GARIN2: variants seen among roughly 807,000 people sequenced by gnomAD.
The protein encoded by GARIN2 is golgi associated RAB2 interactor family member 2.
the GARIN2 span, among the ~76,000 whole-genome samples, chr14:67,212,589 GA>G: frequency 0.096 from 9,629 of 100,262 alleles, 731 homozygotes; most frequent in African/African-American, 0.25. Flanking sequence ...AGACCCTGTT[GA>G]AAAAAAAAAT....
At chr14:67,211,460 A>T in the GARIN2 span, among the ~76,000 whole-genome samples, 2 of 152,196 alleles carry the variant, frequency 1.3e-5, no homozygotes, top group African/African-American at 4.8e-5. Context: ...AAACTGATTA[A>T]ATATTTTTAA....
At chr14:67,218,569 C>A in the GARIN2 span, among the ~76,000 whole-genome samples, 1 of 152,034 alleles carries the variant, frequency 6.6e-6, no homozygotes, top group Non-Finnish European at 1.5e-5. Context: ...TGGGTTCTTG[C>A]CTGTTTGGCT....
the GARIN2 span, chr14:67,200,059 C>A: frequency 1.1e-6 from 1 of 925,602 alleles, no homozygotes; most frequent in Non-Finnish European, 1.7e-6. Context: ...GGGACAGCCA[C>A]CACCCCAACC....
At chr14:67,228,220 TAA>T in the GARIN2 span, 1 of 158,342 alleles carries the variant, frequency 6.3e-6, no homozygotes, top group Non-Finnish European at 1.4e-5. Flanking sequence ...ATGGCTGGAT[TAA>T]AAAAAAGAGA....
At chr14:67,214,406 C>T in the GARIN2 span, among the ~76,000 whole-genome samples, 61 of 152,212 alleles carry the variant, frequency 4.0e-4, no homozygotes, top group Non-Finnish European at 7.5e-4. Flanking sequence ...TTCCCAGCAC[C>T]GTTTATTAAA....
chr14:67,228,377 C>T, the GARIN2 span: 129 of 495,870 alleles, frequency 2.6e-4, 1 homozygote, highest in Middle Eastern at 2.0e-3. Context: ...TAAAAATATT[C>T]TCTATTTCAG....
chr14:67,218,731 C>G, the GARIN2 span, among the ~76,000 whole-genome samples: 2 of 151,928 alleles, frequency 1.3e-5, no homozygotes, highest in Non-Finnish European at 1.5e-5. Context: ...CAGCACATAG[C>G]CATTCTGCTT....
chr14:67,214,828 C>T, the GARIN2 span, among the ~76,000 whole-genome samples: 1 of 152,010 alleles, frequency 6.6e-6, no homozygotes, highest in Non-Finnish European at 1.5e-5. Flanking sequence ...TATTTGTATC[C>T]TCTTTGATTT....
the GARIN2 span, among the ~76,000 whole-genome samples, chr14:67,202,071 G>C: frequency 6.6e-6 from 1 of 152,148 alleles, no homozygotes; most frequent in Non-Finnish European, 1.5e-5. Context: ...CCATATCCAG[G>C]GGTGTGCCAG....
the GARIN2 span, among the ~76,000 whole-genome samples, chr14:67,220,999 T>C: frequency 2.0e-5 from 3 of 152,216 alleles, no homozygotes; most frequent in African/African-American, 7.2e-5. Context: ...ACTTCCAAAA[T>C]ACTTATTGAA....
At chr14:67,215,405 TG>T in the GARIN2 span, among the ~76,000 whole-genome samples, 3 of 149,410 alleles carry the variant, frequency 2.0e-5, no homozygotes, top group African/African-American at 7.4e-5. Context: ...ACTGATCTAT[TG>T]TTTTTTTTTT....
chr14:67,198,541 TAACTC>T, the GARIN2 span, among the ~76,000 whole-genome samples: 1 of 152,252 alleles, frequency 6.6e-6, no homozygotes, highest in Non-Finnish European at 1.5e-5. Context: ...ACTTCTGTCT[TAACTC>T]TACCATAATT....
the GARIN2 span, chr14:67,228,372 AT>A: frequency 5.0e-4 from 250 of 500,668 alleles, no homozygotes; most frequent in African/African-American, 5.0e-3. Flanking sequence ...AACACTAAAA[AT>A]ATTCTCTATT....
the GARIN2 span, among the ~76,000 whole-genome samples, chr14:67,219,605 A>C: frequency 6.6e-6 from 1 of 152,240 alleles, no homozygotes; most frequent in Non-Finnish European, 1.5e-5. Flanking sequence ...TGTTAGGATG[A>C]AAAAGGCTCA....
chr14:67,225,259 A>T, the GARIN2 span: 1 of 1,502,626 alleles, frequency 6.7e-7, no homozygotes, highest in Non-Finnish European at 8.8e-7. Flanking sequence ...TGTAAGACAA[A>T]CTAAAGGTAA....
At chr14:67,227,729 T>C in the GARIN2 span, 1 of 152,170 alleles carries the variant, frequency 6.6e-6, no homozygotes, top group African/African-American at 2.4e-5. Context: ...AATAATTCAA[T>C]AGCAGGTATA....
the GARIN2 span, among the ~76,000 whole-genome samples, chr14:67,211,561 T>C: frequency 2.0e-5 from 3 of 152,202 alleles, no homozygotes; most frequent in African/African-American, 4.8e-5. Flanking sequence ...GAAAGCTACA[T>C]TTAAAAAGTA....
At chr14:67,212,742 TAA>T in the GARIN2 span, among the ~76,000 whole-genome samples, 1 of 151,096 alleles carries the variant, frequency 6.6e-6, no homozygotes, top group African/African-American at 2.4e-5. Flanking sequence ...CTGGTTTTTC[TAA>T]AAAGTCTTCT....
At chr14:67,213,095 G>GTTTTTT in the GARIN2 span, among the ~76,000 whole-genome samples, 2 of 135,682 alleles carry the variant, frequency 1.5e-5, no homozygotes, top group Non-Finnish European at 3.3e-5. Flanking sequence ...ATTCTGTGGT[G>GTTTTTT]TTTTTTTTTT....
Sources: gnomAD v4.1 joint callset for allele counts (sites outside exome capture counted in the v4.1 genomes callset) on GRCh38, gnomAD v4.1.1 for gene constraint, MANE v1.5 for transcripts, NCBI Gene and HGNC (gene_info 2026-07-23, HGNC 2026-07-21) for gene names.